The following RPTOR variants were observed in gnomAD, a reference collection of about 807,000 sequenced individuals.
The protein encoded by RPTOR is regulatory associated protein of MTOR complex 1.
A neutral mutation model predicts 169.9 loss-of-function variants in RPTOR; 21 were observed. The ratio of observed to expected loss-of-function variants is 0.12; its 90% CI spans 0.09 to 0.18. The LOEUF is 0.18. RPTOR is among the 10% of genes least tolerant of loss of function. The pLI is 1.00. For missense variants in RPTOR, 1,133 were observed against 1,855.9 expected (o/e 0.61, Z 7.16); for synonymous variants, 732 against 753.2 (o/e 0.97, Z 0.46).
chr17:80,568,824 T>C (rs1295206777), intron 1 of RPTOR, among the ~76,000 whole-genome samples: 2 of 152,154 alleles, frequency 1.3e-5, no homozygotes, highest in Non-Finnish European at 2.9e-5. Flanking sequence ...TCTATTCTTC[T>C]ATAGTATCTA....
chr17:80,924,658 C>T (rs534547872), intron 23 of RPTOR, among the ~76,000 whole-genome samples: 24 of 152,182 alleles, frequency 1.6e-4, no homozygotes, highest in Admixed American at 6.5e-4. Flanking sequence ...CTCACCCACC[C>T]GACCCCCCGG....
At chr17:80,825,994 G>C (rs1334070506) in intron 9 of RPTOR, among the ~76,000 whole-genome samples, 1 of 152,174 alleles carries the variant, frequency 6.6e-6, no homozygotes, top group Non-Finnish European at 1.5e-5. Context: ...GGGGTGGGCG[G>C]AGAGAAGTCA....
intron 4 of RPTOR, among the ~76,000 whole-genome samples, chr17:80,715,463 G>A (rs925445168): frequency 6.6e-6 from 1 of 152,124 alleles, no homozygotes; most frequent in Admixed American, 6.6e-5. Context: ...GTGAGGCCAG[G>A]GGCTTTTTAT....
At chr17:80,956,252 A>G (rs1007583994) in intron 28 of RPTOR, among the ~76,000 whole-genome samples, 2 of 152,174 alleles carry the variant, frequency 1.3e-5, no homozygotes, top group African/African-American at 4.8e-5. Flanking sequence ...AACAATGGTA[A>G]AATGTTAGCA....
intron 24 of RPTOR, among the ~76,000 whole-genome samples, chr17:80,937,441 A>T (rs2068968326): frequency 6.6e-6 from 1 of 152,124 alleles, no homozygotes; most frequent in Non-Finnish European, 1.5e-5. Flanking sequence ...ATCTCCCTTT[A>T]TTCCTGAGCC....
chr17:80,770,801 A>T (rs993422189), intron 6 of RPTOR, among the ~76,000 whole-genome samples: 17 of 152,110 alleles, frequency 1.1e-4, no homozygotes, highest in African/African-American at 4.1e-4. Flanking sequence ...TTTGTACTCA[A>T]ATTTCCCCAG....
rs796351451 is a variant in RPTOR at position 80,744,883 on chromosome 17, C to T, written c.655-9127C>T. On this transcript the variant is annotated intron_variant, in intron 5 of 33. Transcript: ENST00000306801. ...AGCACTGTCCTGGTTACGAGCACAG[C>T]CCTGGCTACTAGCACTGTCCTGGCT... 3.5e-4 allele frequency among the ~76,000 whole-genome samples: 26 copies of T among 74,176 alleles called. 3 individuals carry two copies. Among genetic ancestry groups the T allele is most frequent in the South Asian group, 2.1e-3 (4 of 1,906 alleles). 48.7% of individuals were successfully genotyped at this position (74,176 alleles called of 152,430 possible). A position where few individuals can be genotyped will look rare whatever the true frequency, so the allele number is the denominator to read the frequency against.
intron 21 of RPTOR, among the ~76,000 whole-genome samples, chr17:80,921,669 G>T (rs1027083032): frequency 2.6e-5 from 4 of 152,242 alleles, no homozygotes; most frequent in Non-Finnish European, 5.9e-5. Flanking sequence ...TTCAAGCCCT[G>T]CAGGTGTCTG....
chr17:80,869,599 T>C (rs139598171), intron 13 of RPTOR, among the ~76,000 whole-genome samples: 351 of 152,228 alleles, frequency 2.3e-3, no homozygotes, highest in South Asian at 5.6e-3. Flanking sequence ...TTGTGAACAA[T>C]TGGGAGGAAT....
At chr17:80,945,263 C>G (rs998770797) in intron 25 of RPTOR, among the ~76,000 whole-genome samples, 1 of 151,984 alleles carries the variant, frequency 6.6e-6, no homozygotes, top group Non-Finnish European at 1.5e-5. Context: ...ACTCTGCACC[C>G]CAGCCAGGGC....
intron 20 of RPTOR, among the ~76,000 whole-genome samples, chr17:80,894,960 C>T (rs1043874136): frequency 2.6e-5 from 4 of 152,224 alleles, no homozygotes; most frequent in Non-Finnish European, 4.4e-5. Flanking sequence ...CCGCAAAGCC[C>T]GTTTCTTTGG....
At position 80,893,576 on chromosome 17, in the gene RPTOR, C is replaced by G. The variant is rs2068360942; in HGVS notation, c.2243-131C>G. 4 of 1,157,370 alleles carry G rather than the reference C, an allele frequency of 3.5e-6. No homozygotes were observed. In the South Asian group the frequency reaches 6.0e-5, roughly 17 times the overall value. The allele number at this position is 1,157,370 out of a possible 1,614,324, so 71.7% of individuals were successfully genotyped here. Reference sequence around the variant, plus strand: ...TGTGCGCACCAGGGTGTGTGTGTACCAGGGTGTGTTTGTGCCTGGGTGTGC... The same window carrying G: ...TGTGCGCACCAGGGTGTGTGTGTACGAGGGTGTGTTTGTGCCTGGGTGTGC... On this transcript the variant is annotated intron_variant, in intron 19 of 33. Coordinates refer to ENST00000306801, the MANE Select transcript of RPTOR (RefSeq NM_020761.3).
At chr17:80,551,649 A>G (rs1302262477) in intron 1 of RPTOR, among the ~76,000 whole-genome samples, 1 of 152,162 alleles carries the variant, frequency 6.6e-6, no homozygotes, top group African/African-American at 2.4e-5. Context: ...TTTTATACCG[A>G]GACATTCCAT....
chr17:80,964,432 A>G lies in RPTOR; in HGVS notation c.*102A>G. 8.5e-7 allele frequency: 1 copy of G among 1,173,580 alleles called. No individual in the cohort carries two copies. The highest frequency in any genetic ancestry group is 2.4e-5 in the East Asian group (1 of 42,168). The allele number at this position is 1,173,580 out of a possible 1,614,324, so 72.7% of individuals were successfully genotyped here. On this transcript the variant is annotated 3_prime_UTR_variant, in exon 34 of 34. Coordinates refer to ENST00000306801, the MANE Select transcript of RPTOR (RefSeq NM_020761.3). Reference sequence around the variant, plus strand: ...TCGGCTGCTGCGGCCCCGCAGTGTGAACGTTGGCTGCTGCCTTAGCTGCTG... The same window carrying G: ...TCGGCTGCTGCGGCCCCGCAGTGTGGACGTTGGCTGCTGCCTTAGCTGCTG...
intron 1 of RPTOR, among the ~76,000 whole-genome samples, chr17:80,623,835 CT>C (rs1283039885): frequency 3.3e-5 from 5 of 152,056 alleles, no homozygotes; most frequent in Non-Finnish European, 4.4e-5. Context: ...CGTGCCCAGC[CT>C]ATCTTTTCTT....
chr17:80,863,932 A>AAAAT (rs1355595842), intron 13 of RPTOR, among the ~76,000 whole-genome samples: 1 of 152,242 alleles, frequency 6.6e-6, no homozygotes, highest in Non-Finnish European at 1.5e-5. Flanking sequence ...AGAAAGAAAG[A>AAAAT]AAATAGCAAT....
intron 22 of RPTOR, among the ~76,000 whole-genome samples, chr17:80,923,103 T>G (rs1272866052): frequency 2.6e-5 from 4 of 152,182 alleles, no homozygotes; most frequent in Non-Finnish European, 5.9e-5. Flanking sequence ...TCTGTGGCCT[T>G]TCAGAGTTTG....
intron 3 of RPTOR, among the ~76,000 whole-genome samples, chr17:80,706,512 A>G (rs1237252883): frequency 6.6e-6 from 1 of 152,186 alleles, no homozygotes; most frequent in African/African-American, 2.4e-5. Flanking sequence ...CATTCATAGC[A>G]TTAGGACTAT....
intron 21 of RPTOR, among the ~76,000 whole-genome samples, chr17:80,914,835 G>A (rs2068654027): frequency 6.6e-6 from 1 of 152,238 alleles, no homozygotes; most frequent in South Asian, 2.1e-4. Context: ...AGGGTCCTGG[G>A]CAGAAAGGGG....
Sources: gnomAD v4.1 joint callset for allele counts (sites outside exome capture counted in the v4.1 genomes callset) on GRCh38, gnomAD v4.1.1 for gene constraint, MANE v1.5 for transcripts, NCBI Gene and HGNC (gene_info 2026-07-23, HGNC 2026-07-21) for gene names.